Variants in KNTC1 observed in about 807,000 individuals in gnomAD.
KNTC1 encodes the protein kinetochore associated 1.
In KNTC1, 253 loss-of-function variants were observed where a neutral mutation model predicts 314.4. The ratio of observed to expected loss-of-function variants is 0.80; its 90% CI spans 0.73 to 0.89. The LOEUF (loss-of-function observed/expected upper bound fraction) is 0.89. KNTC1 is among the 40% of genes least tolerant of loss of function. The pLI is 0.00. For synonymous variants in KNTC1, 901 were observed against 901.4 expected, an observed-to-expected ratio of 1.00 and a Z score of 0.01; for missense variants, 2,475 against 2,572.9, an observed-to-expected ratio of 0.96 and a Z score of 0.82.
At chr12:122,594,007 G>A (rs1870687590) in intron 42 of KNTC1, 1 of 406,232 alleles carries the variant, frequency 2.5e-6, no homozygotes, top group Non-Finnish European at 4.4e-6. Flanking sequence ...TTCTTCTGCA[G>A]TAATGGAACT....
rs777353240 is a variant in KNTC1, at chr12:122,603,080, A to G, written c.4938A>G (p.Lys1646=). 3.2e-5 allele frequency: 52 copies of G among 1,613,732 alleles called. No homozygotes were observed. Among genetic ancestry groups the G allele is most frequent in the Non-Finnish European group, 3.9e-5 (46 of 1,179,890 alleles). Residue 1646 remains lysine (K), a synonymous_variant, in exon 48 of 64, where the codon AAA becomes AAG. Coordinates refer to ENST00000333479, the MANE Select transcript of KNTC1 (RefSeq NM_014708.6). ...CAGCAAAACACGTTTTCGAAAAAAA[A>G]CTGAAGCCAAAGCTCCTGAAGTTAA... ...VSTAKHVFEK[K]LKPKLLKLTQ...
chr12:122,595,923 A>G (rs903843661), intron 43 of KNTC1, among the ~76,000 whole-genome samples: 5 of 152,236 alleles, frequency 3.3e-5, no homozygotes, highest in African/African-American at 7.2e-5. Context: ...AAATTTAGAT[A>G]AACTTTAGAA....
At chr12:122,579,841 A>C (rs1965284127) in intron 31 of KNTC1, 64 bp from the exon 32 acceptor site, 1 of 1,064,626 alleles carries the variant, frequency 9.4e-7, no homozygotes, top group African/African-American at 1.6e-5. Flanking sequence ...GTATTTGTAT[A>C]TGTACTACTG....
chr12:122,589,601 T>G (rs1034152686), intron 40 of KNTC1, among the ~76,000 whole-genome samples: 1 of 151,448 alleles, frequency 6.6e-6, no homozygotes, highest in Non-Finnish European at 1.5e-5. Flanking sequence ...GCCTCCTGAG[T>G]ATCTGGGGCT....
At chr12:122,598,811 A>C (rs1171339070) in intron 44 of KNTC1, among the ~76,000 whole-genome samples, 1 of 149,398 alleles carries the variant, frequency 6.7e-6, no homozygotes, top group African/African-American at 2.5e-5. Flanking sequence ...TAGACATTTA[A>C]ACTTTTTTTT....
At position 122,626,206 on chromosome 12, in the gene KNTC1, T is replaced by C. The variant is rs768685653; in HGVS notation, c.6608T>C (p.Met2203Thr). 1 of 1,585,946 alleles carries C rather than the reference T, an allele frequency of 6.3e-7. No individual in the cohort carries two copies. The highest frequency in any genetic ancestry group is 1.7e-5 in the Admixed American group (1 of 57,370). The change falls in exon 64 of 64, where the codon ATG becomes ACG. Residue 2203 changes from methionine to threonine, a missense_variant and splice_region_variant. Physicochemically the swap from Met to Thr is moderately conservative, Grantham distance 81. Coordinates refer to ENST00000333479, the MANE Select transcript of KNTC1 (RefSeq NM_014708.6). ...ACTTCTGTGTTTCTTCCCATTTAGA[T>C]GTTTCTTAGTGGATTATCGTAAATC... ...PDTAPCEILK[M>T]FLSGLS
intron 3 of KNTC1, among the ~76,000 whole-genome samples, chr12:122,536,598 C>T (rs181173771): frequency 1.7e-3 from 263 of 151,316 alleles, no homozygotes; most frequent in Non-Finnish European, 3.0e-3. Flanking sequence ...CAGCTCACTG[C>T]AACCTCCACC....
At chr12:122,603,583 C>T (rs1464677847) in intron 48 of KNTC1, among the ~76,000 whole-genome samples, 1 of 152,050 alleles carries the variant, frequency 6.6e-6, no homozygotes, top group African/African-American at 2.4e-5. Context: ...ACCTCCACCT[C>T]CCGGGTTCAA....
Position 122,588,807 on chromosome 12 carries a change from A to G in KNTC1, c.3990A>G (p.Leu1330=). The G allele has an allele frequency of 6.5e-7, 1 of 1,535,538 alleles. No individual in the cohort carries two copies. ...VIFIRENATT[L]LHKVFNCRLV... ...TTATCAGGGAAAATGCTACAACACTACTGCACAAAGTAAGTATTTGTTCTG... is the reference window on the plus strand; with the variant it reads ...TTATCAGGGAAAATGCTACAACACTGCTGCACAAAGTAAGTATTTGTTCTG... Residue 1330 remains leucine, a synonymous_variant, in exon 40 of 64, where the codon CTA becomes CTG. Transcript: ENST00000333479.
chr12:122,547,121 A>G (rs899446563), intron 10 of KNTC1, among the ~76,000 whole-genome samples: 1 of 152,134 alleles, frequency 6.6e-6, no homozygotes, highest in African/African-American at 2.4e-5. Flanking sequence ...GGTGTGAGCC[A>G]CTGCGCCTGG....
At chr12:122,603,951 A>C (rs1872283914) in intron 48 of KNTC1, among the ~76,000 whole-genome samples, 1 of 152,182 alleles carries the variant, frequency 6.6e-6, no homozygotes, top group Non-Finnish European at 1.5e-5. Flanking sequence ...GGGTGTATTC[A>C]TAGAACGAAA....
Position 122,604,842 on chromosome 12 carries a change from G to A in KNTC1, c.5176-35G>A, listed in dbSNP as rs2138125569. 3 of 1,561,486 alleles carry A rather than the reference G, an allele frequency of 1.9e-6. No individual in the cohort carries two copies. In the East Asian group the frequency reaches 7.0e-5, roughly 37 times the overall value. ...CTTGGCTTCAACTGAGGCTTACAAA[G>A]TAAGATTTTCTTTTTGCTTGGAATT... On this transcript the variant is annotated intron_variant, in intron 49 of 63. Coordinates refer to ENST00000333479, the MANE Select transcript of KNTC1 (RefSeq NM_014708.6).
chr12:122,594,960 G>T (rs958406961), intron 43 of KNTC1, among the ~76,000 whole-genome samples: 1 of 152,040 alleles, frequency 6.6e-6, no homozygotes, highest in Non-Finnish European at 1.5e-5. Context: ...TCAGCTCACC[G>T]CAGCCTCCAC....
intron 24 of KNTC1, 78 bp from the exon 25 acceptor site, chr12:122,572,859 A>G (rs1410973590): frequency 8.5e-7 from 1 of 1,182,664 alleles, no homozygotes; most frequent in African/African-American, 1.6e-5. Flanking sequence ...TTCTTATTTT[A>G]TCTGAAATAA....
chr12:122,596,193 C>T, intron 43 of KNTC1, among the ~76,000 whole-genome samples: 1 of 151,490 alleles, frequency 6.6e-6, no homozygotes, highest in South Asian at 2.1e-4. Context: ...AGCGATTCTC[C>T]TGCCTCAGCC....
chr12:122,558,016 G>C (rs903957803), intron 18 of KNTC1, among the ~76,000 whole-genome samples: 1 of 152,178 alleles, frequency 6.6e-6, no homozygotes, highest in African/African-American at 2.4e-5. Flanking sequence ...TTGTGAGGCT[G>C]AGGTGGGTGG....
rs369614238 is a variant in KNTC1 at position 122,603,836 on chromosome 12, A to G, written c.5101+593A>G. On this transcript the variant is annotated intron_variant, in intron 48 of 63. Transcript: ENST00000333479. ...AATCTTTAGATAGTCTCACATAACCAAACAGGTGCACAAGCATAGGCACTC... is the reference window on the plus strand; with the variant it reads ...AATCTTTAGATAGTCTCACATAACCGAACAGGTGCACAAGCATAGGCACTC... Among the ~76,000 whole-genome samples the G allele has an allele frequency of 1.4e-4, 22 of 152,262 alleles. No homozygotes were observed. The South Asian group carries it at 4.6e-3, about 32-fold the overall frequency.
rs752193040 is a variant in KNTC1, at chr12:122,538,470, A to G, written c.366+16A>G. ...ACTCACTAATGTAAGATCTTGTTGT[A>G]TTTTAATTTTCATTATTTAAATTCT... On this transcript the variant is annotated intron_variant, in intron 4 of 63. Transcript: ENST00000333479. 3.8e-6 allele frequency: 5 copies of G among 1,325,248 alleles called. No homozygotes were observed. Among genetic ancestry groups the G allele is most frequent in the Admixed American group, 4.6e-5 (2 of 43,310 alleles). 82.1% of individuals were successfully genotyped at this position (1,325,248 alleles called of 1,614,324 possible). A position where few individuals can be genotyped will look rare whatever the true frequency, so the allele number is the denominator to read the frequency against.
chr12:122,585,289 A>G (rs930377256), intron 36 of KNTC1, among the ~76,000 whole-genome samples: 11 of 151,814 alleles, frequency 7.2e-5, no homozygotes, highest in Non-Finnish European at 1.6e-4. Context: ...TGATTCCCCC[A>G]CCTCAGCCTC....
Sources: gnomAD v4.1 joint callset for allele counts (sites outside exome capture counted in the v4.1 genomes callset) on GRCh38, gnomAD v4.1.1 for gene constraint, MANE v1.5 for transcripts, NCBI Gene and HGNC (gene_info 2026-07-23, HGNC 2026-07-21) for gene names.